LTBP3: variants seen among roughly 807,000 people sequenced by gnomAD.
LTBP3 encodes latent transforming growth factor beta binding protein 3, also known as latent-transforming growth factor beta-binding protein 3.
A neutral mutation model predicts 159.7 loss-of-function variants in LTBP3; 97 were observed. That is an observed-to-expected ratio of 0.61 (90% CI 0.52 to 0.72). The LOEUF (loss-of-function observed/expected upper bound fraction) is 0.72. LTBP3 is among the 30% of genes least tolerant of loss of function. The pLI, the probability that LTBP3 is intolerant of heterozygous loss-of-function variation, is 0.00. For synonymous variants in LTBP3, 824 were observed against 777.1 expected (o/e 1.06, Z -1.00); for missense variants, 1,584 against 1,864.3 (o/e 0.85, Z 2.77).
chr11:65,546,284 G>T lies in LTBP3; in HGVS notation c.2353+158C>A. 2.1e-6 allele frequency: 2 copies of T among 940,116 alleles called. No individual in the cohort carries two copies. The highest frequency in any genetic ancestry group is 3.0e-6 in the Non-Finnish European group (2 of 658,776). 58.2% of individuals were successfully genotyped at this position (940,116 alleles called of 1,614,324 possible). On this transcript the variant is annotated intron_variant, in intron 16 of 27. Transcript: ENST00000301873. This position sits in a 1 kb window ranked among gnomAD's most constrained non-coding sequence, Gnocchi z 4.0. Reference sequence around the variant, plus strand: ...CTTCCTACGTGGAAATTCTAGTGGTGCCTTCCTTGGCAAAGTTCGTTGAGA... The same window carrying T: ...CTTCCTACGTGGAAATTCTAGTGGTTCCTTCCTTGGCAAAGTTCGTTGAGA...
chr11:65,548,049 C>A lies in LTBP3; in HGVS notation c.1721-4G>T. 6.2e-7 allele frequency: 1 copy of A among 1,613,796 alleles called. No homozygotes were observed. The highest frequency in any genetic ancestry group is 8.5e-7 in the Non-Finnish European group (1 of 1,179,976). On this transcript the variant is annotated splice_polypyrimidine_tract_variant and splice_region_variant and intron_variant, in intron 11 of 27. Transcript: ENST00000301873. The stretch of plus-strand genomic sequence containing the variant: ...TTCAGTCGGCACTCATCAGTCTCTG[C>A]GGGCATGGCCAGGTCAAGCGGCAGA...
Position 65,541,618 on chromosome 11 carries a change from C to T in LTBP3, c.2707G>A (p.Asp903Asn). 6.2e-7 allele frequency: 1 copy of T among 1,614,138 alleles called. No individual in the cohort carries two copies. The highest frequency in any genetic ancestry group is 8.5e-7 in the Non-Finnish European group (1 of 1,180,008). ...VCDEGFTPTQ[D>N]QHGCEEVEQP... is the part of the protein sequence containing the mutation. The stretch of plus-strand genomic sequence containing the variant: ...CACTCACCCTCACAACCGTGCTGGT[C>T]CTGGGTGGGAGTGAAGCCCTCATCG... Residue 903 changes from aspartate (D) to asparagine (N), a missense_variant, in exon 19 of 28, where the codon GAC becomes AAC. Transcript: ENST00000301873.
chr11:65,555,296 C>G (rs970136540), intron 1 of LTBP3, among the ~76,000 whole-genome samples: 5 of 152,158 alleles, frequency 3.3e-5, no homozygotes, highest in African/African-American at 1.2e-4. Flanking sequence ...TCAGCCCATC[C>G]CCCTCTGCTC....
chr11:65,542,681 C>G (rs1179150116), intron 18 of LTBP3: 1 of 304,594 alleles, frequency 3.3e-6, no homozygotes, highest in Admixed American at 4.8e-5. Context: ...CCACCGCCCC[C>G]AGCCTGAGCC....
chr11:65,543,402 G>A, intron 17 of LTBP3, 25 bp downstream of exon 17: 1 of 1,613,660 alleles, frequency 6.2e-7, no homozygotes, highest in Non-Finnish European at 8.5e-7. Flanking sequence ...GGACAGGTCA[G>A]CACCCCAGCT....
rs780162488 is a variant in LTBP3 at position 65,551,216 on chromosome 11, A to G, written c.1630T>C (p.Ser544Pro). The G allele has an allele frequency of 9.7e-6, 15 of 1,547,620 alleles. No homozygotes were observed. Among genetic ancestry groups the G allele is most frequent in the East Asian group, 4.9e-5 (2 of 41,014 alleles). The part of the protein sequence containing the change: ...TPARPYPELI[S>P]RPSPPTMRWF... Reference sequence around the variant, plus strand: ...CGCATGGTCGGGGGCGAGGGACGGGAGATCAGCTCTGCGGGCGGCAGTGCA... The same window carrying G: ...CGCATGGTCGGGGGCGAGGGACGGGGGATCAGCTCTGCGGGCGGCAGTGCA... Residue 544 changes from serine to proline, a missense_variant, in exon 11 of 28, where the codon TCC becomes CCC. Around this residue, in one of 6 missense-constraint regions of LTBP3, gnomAD observed 565 missense variants for 677.7 expected, o/e 0.83. Coordinates refer to ENST00000301873, the MANE Select transcript of LTBP3 (RefSeq NM_001130144.3).
Position 65,546,910 on chromosome 11 carries a change from C to T in LTBP3, c.2118G>A (p.Glu706=). The change falls in exon 15 of 28, where the codon GAG becomes GAA. Residue 706 remains glutamate (E), a synonymous_variant. Coordinates refer to ENST00000301873, the MANE Select transcript of LTBP3 (RefSeq NM_001130144.3). The surrounding 1 kb of genome is among the most constrained non-coding windows in gnomAD (Gnocchi z 4.0). ...SRPPVCEDID[E]CRDPSSCPDG... The stretch of plus-strand genomic sequence containing the variant: ...CCGGGCAAGAGCTTGGGTCCCGGCA[C>T]TCGTCGATGTCTGCACGGGAGGGAG... 6.2e-7 allele frequency: 1 copy of T among 1,612,226 alleles called. No homozygotes were observed.
rs1380792877 is a variant in LTBP3 at position 65,540,016 on chromosome 11, C to T, written c.3382G>A (p.Ala1128Thr). 6.7e-7 allele frequency: 1 copy of T among 1,497,728 alleles called. No homozygotes were observed. Among genetic ancestry groups the T allele is most frequent in the Admixed American group, 2.2e-5 (1 of 46,200 alleles). The allele number at this position is 1,497,728 out of a possible 1,614,324, so 92.8% of individuals were successfully genotyped here. A position where few individuals can be genotyped will look rare whatever the true frequency, so the allele number is the denominator to read the frequency against. The change falls in exon 24 of 28, where the codon GCC (alanine) becomes ACC (threonine). Residue 1128 changes from alanine (A) to threonine (T), a missense_variant. Ala to Thr is a moderately conservative substitution (Grantham distance 58). Around this residue, in one of 6 missense-constraint regions of LTBP3, gnomAD observed 514 missense variants for 530.3 expected, o/e 0.97. Transcript: ENST00000301873. Reference sequence around the variant, plus strand: ...CAAGGCCAACCCTCGCCCTCACCGGCCGGGCTCTCGGGGAGCTGGCAATCG... The same window carrying T: ...CAAGGCCAACCCTCGCCCTCACCGGTCGGGCTCTCGGGGAGCTGGCAATCG... ...GRDCQLPESP[A>T]ERAPERRDVC...
Position 65,540,954 on chromosome 11 carries a change from G to A in LTBP3, c.2894C>T (p.Ala965Val), listed in dbSNP as rs1325878964. The change falls in exon 21 of 28, where the codon GCC becomes GTC. Residue 965 changes from alanine to valine, a missense_variant and splice_region_variant. This residue lies in a region of LTBP3 where 514 missense variants were observed against 530.3 expected (regional missense o/e 0.97). Coordinates refer to ENST00000301873, the MANE Select transcript of LTBP3 (RefSeq NM_001130144.3). ...GTCTGGGCAGAGGCTGTGGAACTCG[G>A]CTGCAGGGGCAGGGCGGCCGTGGGG... ...EIYPCPVYSS[A>V]EFHSLCPDGK... 1.2e-6 allele frequency: 2 copies of A among 1,612,922 alleles called. No homozygotes were observed. Among genetic ancestry groups the A allele is most frequent in the Admixed American group, 3.3e-5 (2 of 59,884 alleles).
chr11:65,541,321 G>C (rs1327996357), intron 19 of LTBP3, 28 bp from the exon 20 acceptor site: 1 of 1,605,064 alleles, frequency 6.2e-7, no homozygotes, highest in South Asian at 1.1e-5. Context: ...GCTCAGGGTT[G>C]TGCACAGACC....
In LTBP3 at chr11:65,540,779, C is replaced by T; in HGVS notation, c.2977+92G>A. The stretch of plus-strand genomic sequence containing the variant: ...AGGTGCGGGCGGGGCTTACCCGGCG[C>T]GGGCAGCTGACCCAGCGAGTCCCGG... On this transcript the variant is annotated intron_variant, in intron 21 of 27. Transcript: ENST00000301873. The T allele has an allele frequency of 6.1e-6, 9 of 1,487,276 alleles. 1 individual carries two copies. The East Asian group carries it at 9.4e-5, about 15-fold the overall frequency. 92.1% of individuals were successfully genotyped at this position (1,487,276 alleles called of 1,614,324 possible).
In LTBP3 at chr11:65,558,176, C is replaced by G. The variant is rs1361837826; in HGVS notation, c.-217G>C. 56 of 1,067,260 alleles carry G rather than the reference C, an allele frequency of 5.2e-5. No individual in the cohort carries two copies. The highest frequency in any genetic ancestry group is 5.7e-5 in the Non-Finnish European group (50 of 881,678). The allele number at this position is 1,067,260 out of a possible 1,614,324, so 66.1% of individuals were successfully genotyped here. On this transcript the variant is annotated 5_prime_UTR_variant, in exon 1 of 28. Transcript: ENST00000301873. ...GCGCAGAAACTTCCCAGCCCCAGGA[C>G]GAAGCCCAGACCAGGCCCCGAACTC...
At position 65,539,787 on chromosome 11, in the gene LTBP3, G is replaced by A. The variant is rs776895791; in HGVS notation, c.3480C>T (p.Asp1160=). Residue 1160 remains aspartate, a synonymous_variant, in exon 25 of 28, where the codon GAC becomes GAT. Coordinates refer to ENST00000301873, the MANE Select transcript of LTBP3 (RefSeq NM_001130144.3). ...GPLAGPALTF[D]DCCCRQGRGW... is the part of the protein sequence containing the mutation. Reference sequence around the variant, plus strand: ...CGCGGCCCTGGCGGCAGCAGCAGTCGTCGAAGGTGAGGGCAGGCCCGGCCA... The same window carrying A: ...CGCGGCCCTGGCGGCAGCAGCAGTCATCGAAGGTGAGGGCAGGCCCGGCCA... 3.2e-6 allele frequency: 5 copies of A among 1,545,196 alleles called. No individual in the cohort carries two copies. Among genetic ancestry groups the A allele is most frequent in the Non-Finnish European group, 4.3e-6 (5 of 1,152,746 alleles).
At position 65,558,292 on chromosome 11, in the gene LTBP3, C is replaced by G. The variant is rs976572979; in HGVS notation, c.-333G>C. 5 of 835,792 alleles carry G rather than the reference C, an allele frequency of 6.0e-6. No individual in the cohort carries two copies. Among genetic ancestry groups the G allele is most frequent in the Non-Finnish European group, 7.4e-6 (5 of 677,430 alleles). 51.8% of individuals were successfully genotyped at this position (835,792 alleles called of 1,614,324 possible). A position where few individuals can be genotyped will look rare whatever the true frequency, so the allele number is the denominator to read the frequency against. ...GCGGCCGGCCCGCTCCGCGCCTCCCCCTGGCCGGGCTCCTCTCCCGCGGCC... is the reference window on the plus strand; with the variant it reads ...GCGGCCGGCCCGCTCCGCGCCTCCCGCTGGCCGGGCTCCTCTCCCGCGGCC... On this transcript the variant is annotated 5_prime_UTR_variant, in exon 1 of 28. Transcript: ENST00000301873.
chr11:65,546,264 T>A lies in LTBP3; in HGVS notation c.2353+178A>T, dbSNP rs1856361859. On this transcript the variant is annotated intron_variant, in intron 16 of 27. Transcript: ENST00000301873. The surrounding 1 kb of genome is among the most constrained non-coding windows in gnomAD (Gnocchi z 4.0). ...TCGAGCTCTACCCCGAGACCCTTCC[T>A]ACGTGGAAATTCTAGTGGTGCCTTC... 6.5e-6 allele frequency: 5 copies of A among 770,724 alleles called. No individual in the cohort carries two copies. The highest frequency in any genetic ancestry group is 9.9e-6 in the Non-Finnish European group (5 of 504,194). The allele number at this position is 770,724 out of a possible 1,614,324, so 47.7% of individuals were successfully genotyped here. A position where few individuals can be genotyped will look rare whatever the true frequency, so the allele number is the denominator to read the frequency against.
In LTBP3 at chr11:65,552,187, A is replaced by C; in HGVS notation, c.1346-30T>G. The C allele has an allele frequency of 1.2e-6, 2 of 1,614,154 alleles. No individual in the cohort carries two copies. The highest frequency in any genetic ancestry group is 1.7e-6 in the Non-Finnish European group (2 of 1,180,010). On this transcript the variant is annotated intron_variant, in intron 7 of 27. Coordinates refer to ENST00000301873, the MANE Select transcript of LTBP3 (RefSeq NM_001130144.3). This position sits in a 1 kb window ranked among gnomAD's most constrained non-coding sequence, Gnocchi z 6.0. ...AGTCAAGACAGCAGACACAAAAGTG[A>C]GCATTTCCTGGACAGGTGCATGGAC...
intron 21 of LTBP3, 123 bp from the exon 22 acceptor site, chr11:65,540,737 G>GAGGGGCGGGGCCTACAGA (rs1856089760): frequency 1.3e-6 from 2 of 1,514,326 alleles, no homozygotes; most frequent in Admixed American, 1.7e-5. Context: ...GGGCCTACAG[G>GAGGGGCGGGGCCTACAGA]GCGGGGCCTG....
chr11:65,546,344 G>T lies in LTBP3; in HGVS notation c.2353+98C>A. ...AGCAGAGTCACCTGGGGATGAATGA[G>T]CCACCTTCCACCCACTGTTTACAGA... is the stretch of plus-strand genomic sequence containing the variant. On this transcript the variant is annotated intron_variant, in intron 16 of 27. Coordinates refer to ENST00000301873, the MANE Select transcript of LTBP3 (RefSeq NM_001130144.3). The surrounding 1 kb of genome is among the most constrained non-coding windows in gnomAD (Gnocchi z 4.0). 7.3e-7 allele frequency: 1 copy of T among 1,370,182 alleles called. No homozygotes were observed. The highest frequency in any genetic ancestry group is 9.6e-7 in the Non-Finnish European group (1 of 1,043,050). 84.9% of individuals were successfully genotyped at this position (1,370,182 alleles called of 1,614,324 possible).
chr11:65,557,683 T>C lies in LTBP3; in HGVS notation c.277A>G (p.Ile93Val). 1 of 1,610,942 alleles carries C rather than the reference T, an allele frequency of 6.2e-7. No individual in the cohort carries two copies. ...TCTGTGCTGTGGCCGTTCTCTCCGA[T>C]GAGCGTCATGTTGGAGCCCTGCTGA... Reference protein sequence around the residue: ...SCQQGSNMTLIGENGHSTDTL... With the variant: ...SCQQGSNMTLVGENGHSTDTL... The change falls in exon 1 of 28, where the codon ATC becomes GTC. Residue 93 changes from isoleucine (I) to valine (V), a missense_variant. Transcript: ENST00000301873.
Sources: gnomAD v4.1 joint callset for allele counts (sites outside exome capture counted in the v4.1 genomes callset) on GRCh38, gnomAD v4.1.1 for gene constraint, gnomAD v4.1.1 regional missense constraint, Gnocchi (gnomAD v3.1) non-coding constraint, MANE v1.5 for transcripts, NCBI Gene and HGNC (gene_info 2026-07-23, HGNC 2026-07-21) for gene names.